GRM7: variants seen among roughly 807,000 people sequenced by gnomAD.
The protein encoded by GRM7 is metabotropic glutamate receptor 7.
Under a neutral mutation model 84.5 loss-of-function variants are expected in GRM7, and 35 were observed. The ratio of observed to expected loss-of-function variants is 0.41; its 90% CI spans 0.32 to 0.55. The LOEUF (loss-of-function observed/expected upper bound fraction) is 0.55, where lower values mean the gene tolerates loss of function less well. GRM7 is among the 20% of genes least tolerant of loss of function. GRM7 has a pLI of 0.19. For missense variants in GRM7, 1,003 were observed against 1,194.6 expected (o/e 0.84, Z 2.36); for synonymous variants, 487 against 455.1 (o/e 1.07, Z -0.89).
At chr3:7,244,005 G>T (rs1697662062) in intron 2 of GRM7, among the ~76,000 whole-genome samples, 1 of 152,098 alleles carries the variant, frequency 6.6e-6, no homozygotes, top group Non-Finnish European at 1.5e-5. Flanking sequence ...GGAGTTTCAG[G>T]ATTGGAAGTT....
At chr3:7,227,485 T>C (rs1232023612) in intron 2 of GRM7, among the ~76,000 whole-genome samples, 1 of 152,180 alleles carries the variant, frequency 6.6e-6, no homozygotes, top group Admixed American at 6.5e-5. Flanking sequence ...TCCTATTGTA[T>C]CGCATGCCTA....
intron 1 of GRM7, among the ~76,000 whole-genome samples, chr3:6,946,376 T>A (rs1182702187): frequency 6.6e-6 from 1 of 152,088 alleles, no homozygotes; most frequent in African/African-American, 2.4e-5. Context: ...TTGTAGATAT[T>A]TGGCATTATT....
At position 7,029,920 on chromosome 3, in the gene GRM7, GCATT is replaced by G. The variant is rs1441809940; in HGVS notation, c.520-116526_520-116523del. ...TTATACATTTATGTATAATATCTAA[GCATT>G]CATTCCACTTCTAGGTTTTTATCCT... On this transcript the variant is annotated intron_variant, in intron 1 of 9. Transcript: ENST00000357716. Among the ~76,000 whole-genome samples, 3 of 152,040 alleles carry G rather than the reference GCATT, an allele frequency of 2.0e-5. No homozygotes were observed. The East Asian group carries it at 5.8e-4, about 29-fold the overall frequency.
chr3:7,078,916 A>G (rs1698186652), intron 1 of GRM7, among the ~76,000 whole-genome samples: 1 of 151,430 alleles, frequency 6.6e-6, no homozygotes, highest in Non-Finnish European at 1.5e-5. Flanking sequence ...AGAATGAGGT[A>G]GGGACTATCT....
intron 3 of GRM7, among the ~76,000 whole-genome samples, chr3:7,300,213 G>A (rs1699949905): frequency 1.3e-5 from 2 of 152,088 alleles, no homozygotes; most frequent in Admixed American, 6.6e-5. Context: ...TTTATTCAGG[G>A]TAAAGGTTTA....
At chr3:7,730,249 G>C (rs370892090) in intron 9 of GRM7, among the ~76,000 whole-genome samples, 2 of 151,994 alleles carry the variant, frequency 1.3e-5, no homozygotes, top group Non-Finnish European at 2.9e-5. Context: ...CTTGTGATCC[G>C]CCCACCTTGG....
intron 9 of GRM7, among the ~76,000 whole-genome samples, chr3:7,687,704 GA>G (rs1414994401): frequency 1.3e-5 from 2 of 152,220 alleles, no homozygotes; most frequent in African/African-American, 4.8e-5. Flanking sequence ...ACTTTTATCA[GA>G]TCACTGTTCT....
At chr3:7,673,448 TG>T (rs1700005910) in intron 8 of GRM7, among the ~76,000 whole-genome samples, 1 of 143,110 alleles carries the variant, frequency 7.0e-6, no homozygotes, top group South Asian at 2.2e-4. Context: ...AAGTTTCCCA[TG>T]AAAAAACACA....
chr3:6,910,629 G>T (rs1696735311), intron 1 of GRM7, among the ~76,000 whole-genome samples: 1 of 152,102 alleles, frequency 6.6e-6, no homozygotes, highest in South Asian at 2.1e-4. Flanking sequence ...TTGTACACAT[G>T]TAGGCCTGGC....
chr3:7,670,914 G>A (rs1699893190), intron 8 of GRM7, among the ~76,000 whole-genome samples: 1 of 152,146 alleles, frequency 6.6e-6, no homozygotes. Context: ...ATGGATTCTG[G>A]CAGGAGTCGT....
intron 1 of GRM7, among the ~76,000 whole-genome samples, chr3:7,073,541 A>T (rs1005251169): frequency 9.9e-5 from 15 of 152,164 alleles, no homozygotes; most frequent in African/African-American, 3.6e-4. Context: ...TTTTCAGATC[A>T]GATTTCAAGA....
At chr3:7,407,065 G>T (rs1695712469) in intron 4 of GRM7, among the ~76,000 whole-genome samples, 1 of 152,190 alleles carries the variant, frequency 6.6e-6, no homozygotes, top group South Asian at 2.1e-4. Context: ...CCCAAGCCTG[G>T]AAGTAATGTT....
chr3:6,998,136 A>AAAAAAAAAAAAAAAAAAAAAACC (rs1694887825), intron 1 of GRM7, among the ~76,000 whole-genome samples: 1 of 147,930 alleles, frequency 6.8e-6, no homozygotes, highest in Non-Finnish European at 1.5e-5. Context: ...AAAAAAAAAA[A>AAAAAAAAAAAAAAAAAAAAAACC]AAAGCAGGTT....
chr3:7,170,846 G>A (rs769968873), intron 2 of GRM7, among the ~76,000 whole-genome samples: 2 of 152,022 alleles, frequency 1.3e-5, no homozygotes, highest in East Asian at 1.9e-4. Context: ...ACCTGGCTTC[G>A]CTACAAGATC....
chr3:6,986,255 A>G (rs1694406463), intron 1 of GRM7, among the ~76,000 whole-genome samples: 1 of 152,192 alleles, frequency 6.6e-6, no homozygotes, highest in Non-Finnish European at 1.5e-5. Flanking sequence ...ACACAAGGAA[A>G]CCTTTGGGGG....
intron 1 of GRM7, among the ~76,000 whole-genome samples, chr3:7,016,664 G>T (rs1389667989): frequency 6.6e-6 from 1 of 152,148 alleles, no homozygotes; most frequent in African/African-American, 2.4e-5. Context: ...AAAAGTAGAG[G>T]ATTAAACTTG....
Position 6,861,388 on chromosome 3 carries a change from C to T in GRM7, c.-1C>T, listed in dbSNP as rs773232392. The T allele has an allele frequency of 1.9e-6, 3 of 1,553,432 alleles. No homozygotes were observed. The highest frequency in any genetic ancestry group is 1.3e-5 in the South Asian group (1 of 79,908). On this transcript the variant is annotated 5_prime_UTR_variant, in exon 1 of 10. Coordinates refer to ENST00000357716, the MANE Select transcript of GRM7 (RefSeq NM_000844.4). The surrounding 1 kb of genome is among the most constrained non-coding windows in gnomAD (Gnocchi z 6.4). ...GCCGCCACCGCAGCAGCCGGAGCAG[C>T]ATGGTCCAGCTGAGGAAGCTGCTCC...
intron 1 of GRM7, among the ~76,000 whole-genome samples, chr3:6,908,361 T>C (rs891627551): frequency 3.3e-5 from 5 of 152,334 alleles, no homozygotes; most frequent in Non-Finnish European, 5.9e-5. Context: ...CTTCTTTTCT[T>C]TTCGTCTCAT....
chr3:6,897,397 G>T (rs969794082), intron 1 of GRM7, among the ~76,000 whole-genome samples: 1 of 152,142 alleles, frequency 6.6e-6, no homozygotes, highest in Non-Finnish European at 1.5e-5. Flanking sequence ...TGACTTCAAT[G>T]CCTACTCAAG....
Sources: allele counts gnomAD v4.1 joint callset (sites outside exome capture counted in the v4.1 genomes callset), GRCh38; gene constraint gnomAD v4.1.1; non-coding constraint Gnocchi (gnomAD v3.1); transcripts MANE v1.5; gene names NCBI Gene and HGNC (gene_info 2026-07-23, HGNC 2026-07-21).